The following SMYD3 variants were observed in gnomAD, a reference collection of about 807,000 sequenced individuals.
SMYD3 encodes the protein SET and MYND domain containing 3, also known as histone-lysine N-methyltransferase SMYD3.
A neutral mutation model predicts 57.7 loss-of-function variants in SMYD3; 36 were observed. The ratio of observed to expected loss-of-function variants is 0.62; its 90% CI spans 0.48 to 0.82. The LOEUF (loss-of-function observed/expected upper bound fraction) is 0.82. SMYD3 is among the 40% of genes least tolerant of loss of function. The pLI is 0.00. For synonymous variants in SMYD3, 211 were observed against 195.0 expected (o/e 1.08, Z -0.68); for missense variants, 515 against 538.8 (o/e 0.96, Z 0.44).
rs1558484490 is a variant in SMYD3, at chr1:246,481,613, TAC to T, written c.164+25439_164+25440del. Among the ~76,000 whole-genome samples the T allele has an allele frequency of 2.4e-3, 234 of 95,658 alleles. 12 individuals are homozygous for T. The highest frequency in any genetic ancestry group is 0.012 in the African/African-American group (213 of 17,820). The allele number at this position is 95,658 out of a possible 152,430, so 62.8% of individuals were successfully genotyped here. A position where few individuals can be genotyped will look rare whatever the true frequency, so the allele number is the denominator to read the frequency against. ...GGCTCCATATATATATATATACACA[TAC>T]ATATATACATACATACATACACATA... On this transcript the variant is annotated intron_variant, in intron 1 of 11. Transcript: ENST00000490107.
chr1:246,407,155 C>G (rs1288807890), intron 1 of SMYD3, among the ~76,000 whole-genome samples: 1 of 152,210 alleles, frequency 6.6e-6, no homozygotes, highest in Admixed American at 6.5e-5. Context: ...CCCACATTAT[C>G]TGTCACAATC....
At chr1:246,014,306 A>G (rs147035535) in intron 5 of SMYD3, among the ~76,000 whole-genome samples, 1 of 152,342 alleles carries the variant, frequency 6.6e-6, no homozygotes, top group East Asian at 1.9e-4. Context: ...TGGGTGAAGA[A>G]CAAGACTGTC....
intron 5 of SMYD3, among the ~76,000 whole-genome samples, chr1:245,998,404 C>T (rs73130363): frequency 0.17 from 26,500 of 152,142 alleles, 3,252 homozygotes; most frequent in African/African-American, 0.34. Context: ...TCTGAAGCAC[C>T]GTTTGATTCT....
chr1:246,163,780 T>C (rs940288814), intron 5 of SMYD3, among the ~76,000 whole-genome samples: 3 of 152,220 alleles, frequency 2.0e-5, no homozygotes, highest in Non-Finnish European at 4.4e-5. Context: ...GGAAAGTGCT[T>C]CTGAGACCTG....
chr1:245,944,589 C>T (rs1269915354), intron 5 of SMYD3, among the ~76,000 whole-genome samples: 3 of 152,176 alleles, frequency 2.0e-5, no homozygotes, highest in Admixed American at 6.5e-5. Context: ...AGATTCAATG[C>T]TATTCCCATT....
chr1:245,893,506 GA>G (rs56878957), intron 8 of SMYD3, among the ~76,000 whole-genome samples: 151,952 of 152,332 alleles, frequency 1, 75,790 homozygotes, highest in Middle Eastern at 1. Flanking sequence ...CCATGTAATG[GA>G]ATACTACTTG....
chr1:246,391,429 A>AAG (rs2148768674), intron 1 of SMYD3, among the ~76,000 whole-genome samples: 2 of 100,558 alleles, frequency 2.0e-5, no homozygotes, highest in South Asian at 7.7e-4. Flanking sequence ...AAAGAGAGAG[A>AAG]GAGAGAGAGA....
chr1:246,255,321 T>C lies in SMYD3; in HGVS notation c.531+71880A>G, dbSNP rs894783200. Among the ~76,000 whole-genome samples, 5 of 149,250 alleles carry C rather than the reference T, an allele frequency of 3.4e-5. No homozygotes were observed. In the East Asian group the frequency reaches 1.0e-3, roughly 30 times the overall value. Reference sequence around the variant, plus strand: ...TCTTATTATTTGATGGATCTTATTATAATAATAATTATTATTATTATTATT... The same window carrying C: ...TCTTATTATTTGATGGATCTTATTACAATAATAATTATTATTATTATTATT... On this transcript the variant is annotated intron_variant, in intron 5 of 11. Coordinates refer to ENST00000490107, the MANE Select transcript of SMYD3 (RefSeq NM_001167740.2).
intron 1 of SMYD3, among the ~76,000 whole-genome samples, chr1:246,481,607 T>TATATATATATATATATATATATAC (rs1156393004): frequency 0.014 from 893 of 61,722 alleles, 128 homozygotes; most frequent in Non-Finnish European, 0.019. Flanking sequence ...TATATATATA[T>TATATATATATATATATATATATAC]ACACATACAT....
chr1:246,180,009 G>C (rs1395592564), intron 5 of SMYD3, among the ~76,000 whole-genome samples: 2 of 151,982 alleles, frequency 1.3e-5, no homozygotes, highest in African/African-American at 2.4e-5. Flanking sequence ...TAAGTACTCA[G>C]TTAAAAGGAA....
intron 5 of SMYD3, among the ~76,000 whole-genome samples, chr1:246,104,450 G>C (rs2061079818): frequency 6.6e-6 from 1 of 152,190 alleles, no homozygotes; most frequent in Admixed American, 6.5e-5. Flanking sequence ...TAAGTATTTA[G>C]AAATTTCTAC....
chr1:245,885,654 A>G lies in SMYD3; in HGVS notation c.814-21768T>C, dbSNP rs946081571. Among the ~76,000 whole-genome samples, 67 of 152,088 alleles carry G rather than the reference A, an allele frequency of 4.4e-4. 1 individual carries two copies. The highest frequency in any genetic ancestry group is 1.6e-3 in the African/African-American group (66 of 41,398). ...TTTCTTTAAAGTCTTACTTTTCTAC[A>G]GTGTTTCTCTATTAGAGGTTCTCTC... On this transcript the variant is annotated intron_variant, in intron 8 of 11. Coordinates refer to ENST00000490107, the MANE Select transcript of SMYD3 (RefSeq NM_001167740.2).
rs2065373586 is a variant in SMYD3 at position 246,327,355 on chromosome 1, TA to T, written c.395-19del. 6.3e-7 allele frequency: 1 copy of T among 1,599,472 alleles called. No individual in the cohort carries two copies. Among genetic ancestry groups the T allele is most frequent in the African/African-American group, 1.4e-5 (1 of 74,008 alleles). ...GTTAATATCTTTTTTAAAGAGAAAATAAATAGCACAATCTCAAAGTAAACTT... is the reference window on the plus strand; with the variant it reads ...GTTAATATCTTTTTTAAAGAGAAAATAATAGCACAATCTCAAAGTAAACTT... On this transcript the variant is annotated intron_variant, in intron 4 of 11. Coordinates refer to ENST00000490107, the MANE Select transcript of SMYD3 (RefSeq NM_001167740.2).
intron 5 of SMYD3, among the ~76,000 whole-genome samples, chr1:246,182,457 G>A (rs566175696): frequency 6.6e-6 from 1 of 152,224 alleles, no homozygotes; most frequent in South Asian, 2.1e-4. Context: ...AAGGACAACT[G>A]GAGACTGAAG....
chr1:246,401,305 T>C (rs983892833), intron 1 of SMYD3, among the ~76,000 whole-genome samples: 4 of 151,688 alleles, frequency 2.6e-5, no homozygotes, highest in Non-Finnish European at 5.9e-5. Flanking sequence ...AAGACCAGCC[T>C]GGGCAACACA....
chr1:245,762,198 C>A (rs2045875674), intron 11 of SMYD3, among the ~76,000 whole-genome samples: 1 of 152,190 alleles, frequency 6.6e-6, no homozygotes, highest in Non-Finnish European at 1.5e-5. Context: ...TGTCTCCAAA[C>A]CTGAGCGCCT....
chr1:246,286,406 T>G, intron 5 of SMYD3, among the ~76,000 whole-genome samples: 1 of 152,130 alleles, frequency 6.6e-6, no homozygotes, highest in East Asian at 1.9e-4. Context: ...AAAACAAATA[T>G]TTTCCACTGT....
At chr1:245,770,655 CAAG>C (rs1365326579) in intron 10 of SMYD3, among the ~76,000 whole-genome samples, 1 of 152,032 alleles carries the variant, frequency 6.6e-6, no homozygotes, top group Non-Finnish European at 1.5e-5. Context: ...CTCTGAAAAC[CAAG>C]AAGAACAATA....
intron 10 of SMYD3, among the ~76,000 whole-genome samples, chr1:245,818,324 C>T (rs2048969387): frequency 6.6e-6 from 1 of 151,972 alleles, no homozygotes; most frequent in Non-Finnish European, 1.5e-5. Context: ...AAATAAAATA[C>T]TTTACAGACA....
Sources: gnomAD v4.1 joint callset for allele counts (sites outside exome capture counted in the v4.1 genomes callset) on GRCh38, gnomAD v4.1.1 for gene constraint, MANE v1.5 for transcripts, NCBI Gene and HGNC (gene_info 2026-07-23, HGNC 2026-07-21) for gene names.